ARHGAP15: variants seen among roughly 807,000 people sequenced by gnomAD.
ARHGAP15 encodes the protein rho GTPase-activating protein 15.
A neutral mutation model predicts 63.7 loss-of-function variants in ARHGAP15; 51 were observed. The observed-to-expected ratio is 0.80, with a 90% CI of 0.64 to 1.01. ARHGAP15 has a LOEUF of 1.01. Ranked by LOEUF, ARHGAP15 falls within the 50% of genes least tolerant of loss-of-function variation. The probability of loss-of-function intolerance (pLI) is 0.00; values close to 1 mark genes in which losing one functional copy is unlikely to be tolerated. For synonymous variants in ARHGAP15, 191 were observed against 193.8 expected (o/e 0.99, Z 0.12); for missense variants, 560 against 564.6 (o/e 0.99, Z 0.08).
chr2:143,189,208 TGTAA>T (rs1691575528), intron 2 of ARHGAP15, among the ~76,000 whole-genome samples: 1 of 152,206 alleles, frequency 6.6e-6, no homozygotes, highest in Non-Finnish European at 1.5e-5. Flanking sequence ...AACTTTTTGT[TGTAA>T]GTGATTGTTC....
At chr2:143,326,252 C>T (rs531863441) in intron 6 of ARHGAP15, among the ~76,000 whole-genome samples, 1 of 152,110 alleles carries the variant, frequency 6.6e-6, no homozygotes, top group Non-Finnish European at 1.5e-5. Flanking sequence ...GTTATATATT[C>T]TTTCCAGTAA....
chr2:143,648,792 C>T (rs1681020963), intron 12 of ARHGAP15: 1 of 151,982 alleles, frequency 6.6e-6, no homozygotes, highest in South Asian at 2.1e-4. Context: ...CATATAATCA[C>T]AGTTTTTCCA....
chr2:143,544,129 A>C (rs907183663), intron 10 of ARHGAP15, among the ~76,000 whole-genome samples: 1 of 152,192 alleles, frequency 6.6e-6, no homozygotes, highest in Non-Finnish European at 1.5e-5. Context: ...TTTCAGCTCT[A>C]TTCCAGATAC....
In ARHGAP15 at chr2:143,408,031, A is replaced by C. The variant is rs1431786146; in HGVS notation, c.475-27570A>C. Among the ~76,000 whole-genome samples the C allele has an allele frequency of 1.7e-4, 20 of 120,082 alleles. 2 individuals are homozygous for C. The highest frequency in any genetic ancestry group is 4.5e-4 in the African/African-American group (14 of 31,212). 78.8% of individuals were successfully genotyped at this position (120,082 alleles called of 152,430 possible). A position where few individuals can be genotyped will look rare whatever the true frequency, so the allele number is the denominator to read the frequency against. On this transcript the variant is annotated intron_variant, in intron 6 of 13. Coordinates refer to ENST00000295095, the MANE Select transcript of ARHGAP15 (RefSeq NM_018460.4). Reference sequence around the variant, plus strand: ...TATATATATATATATATATATATATATCCTTTTTCCTCTCACTCTTTTCTG... The same window carrying C: ...TATATATATATATATATATATATATCTCCTTTTTCCTCTCACTCTTTTCTG...
At chr2:143,642,205 CTTTT>C in intron 12 of ARHGAP15, among the ~76,000 whole-genome samples, 1 of 151,928 alleles carries the variant, frequency 6.6e-6, no homozygotes, top group Middle Eastern at 3.4e-3. Flanking sequence ...GTTTTTTTCT[CTTTT>C]TTGTTTTCCT....
chr2:143,755,938 C>G (rs977723061), intron 13 of ARHGAP15, among the ~76,000 whole-genome samples: 2 of 152,024 alleles, frequency 1.3e-5, no homozygotes, highest in African/African-American at 4.8e-5. Flanking sequence ...TGCACTCCAG[C>G]CTGGGTAACA....
At chr2:143,726,269 C>T (rs1313903172) in intron 13 of ARHGAP15, among the ~76,000 whole-genome samples, 2 of 152,176 alleles carry the variant, frequency 1.3e-5, no homozygotes, top group Admixed American at 6.5e-5. Context: ...GAACAAAAAG[C>T]TGGCAATCAA....
At chr2:143,411,157 A>G (rs1336086322) in intron 6 of ARHGAP15, among the ~76,000 whole-genome samples, 1 of 152,198 alleles carries the variant, frequency 6.6e-6, no homozygotes, top group Admixed American at 6.5e-5. Flanking sequence ...GTGGGCCAAG[A>G]TCATGCCACT....
chr2:143,462,185 A>G (rs1690975619), intron 8 of ARHGAP15, among the ~76,000 whole-genome samples: 1 of 152,118 alleles, frequency 6.6e-6, no homozygotes, highest in African/African-American at 2.4e-5. Flanking sequence ...ACTTATTACC[A>G]GGTGCACATG....
intron 10 of ARHGAP15, among the ~76,000 whole-genome samples, chr2:143,545,749 AT>A (rs946064418): frequency 2.6e-5 from 4 of 151,520 alleles, no homozygotes; most frequent in Non-Finnish European, 4.4e-5. Context: ...CACAATTGGG[AT>A]TTTTTTTTCC....
chr2:143,534,849 C>A (rs917669792), intron 10 of ARHGAP15, among the ~76,000 whole-genome samples: 1 of 151,662 alleles, frequency 6.6e-6, no homozygotes, highest in Admixed American at 6.6e-5. Flanking sequence ...CCACTGCACT[C>A]TAGCCTGAGT....
Position 143,360,779 on chromosome 2 carries a change from C to G in ARHGAP15, c.475-74822C>G, listed in dbSNP as rs183679076. 7.2e-5 allele frequency among the ~76,000 whole-genome samples: 11 copies of G among 152,270 alleles called. No homozygotes were observed. The East Asian group carries it at 1.9e-3, about 27-fold the overall frequency. ...TTAAGTACTAATAAATAGCACAATACAGGTGATATCTCCAAGCAACACATG... is the reference window on the plus strand; with the variant it reads ...TTAAGTACTAATAAATAGCACAATAGAGGTGATATCTCCAAGCAACACATG... On this transcript the variant is annotated intron_variant, in intron 6 of 13. Transcript: ENST00000295095.
chr2:143,632,678 A>G (rs986520819), intron 12 of ARHGAP15, among the ~76,000 whole-genome samples: 1 of 152,172 alleles, frequency 6.6e-6, no homozygotes, highest in East Asian at 1.9e-4. Context: ...TAAAAATAAT[A>G]CATTGCCCTA....
Position 143,718,398 on chromosome 2 carries a change from A to C in ARHGAP15, c.1244+14874A>C, listed in dbSNP as rs189433007. On this transcript the variant is annotated intron_variant, in intron 13 of 13. Transcript: ENST00000295095. ...TCTTTTTTGGAAGTAGCTACAAAAC[A>C]GTAGAGCTCAAATTTAAGGTTAGCA... 2.0e-5 allele frequency among the ~76,000 whole-genome samples: 3 copies of C among 152,336 alleles called. No homozygotes were observed. The East Asian group carries it at 5.8e-4, about 29-fold the overall frequency.
rs545356013 is a variant in ARHGAP15 at position 143,263,942 on chromosome 2, T to G, written c.474+13342T>G. 9.9e-3 allele frequency among the ~76,000 whole-genome samples: 1,259 copies of G among 126,788 alleles called. 2 individuals are homozygous for G. Among genetic ancestry groups the G allele is most frequent in the Non-Finnish European group, 0.017 (1,052 of 60,616 alleles). The allele number at this position is 126,788 out of a possible 152,430, so 83.2% of individuals were successfully genotyped here. A position where few individuals can be genotyped will look rare whatever the true frequency, so the allele number is the denominator to read the frequency against. On this transcript the variant is annotated intron_variant, in intron 6 of 13. Coordinates refer to ENST00000295095, the MANE Select transcript of ARHGAP15 (RefSeq NM_018460.4). The stretch of plus-strand genomic sequence containing the variant: ...TTTTTTTTTTTTTTTTTTTTTTTTT[T>G]TGTGCTCACCAACATACTGAGCTAA...
intron 6 of ARHGAP15, among the ~76,000 whole-genome samples, chr2:143,280,907 C>T (rs941501846): frequency 6.6e-6 from 1 of 151,908 alleles, no homozygotes; most frequent in African/African-American, 2.4e-5. Context: ...AAAGAGATGA[C>T]AAATGCAAAA....
intron 1 of ARHGAP15, among the ~76,000 whole-genome samples, chr2:143,146,446 C>G (rs1489999267): frequency 6.6e-6 from 1 of 151,872 alleles, no homozygotes; most frequent in Non-Finnish European, 1.5e-5. Flanking sequence ...ACTTAGAAGA[C>G]AGAAGAATGA....
intron 3 of ARHGAP15, among the ~76,000 whole-genome samples, chr2:143,214,568 A>G (rs1293455690): frequency 6.6e-6 from 1 of 152,228 alleles, no homozygotes; most frequent in African/African-American, 2.4e-5. Context: ...GCACCAGTGA[A>G]TACCATGGTT....
chr2:143,489,723 A>C (rs978387736), intron 9 of ARHGAP15, among the ~76,000 whole-genome samples: 8 of 152,220 alleles, frequency 5.3e-5, no homozygotes, highest in African/African-American at 1.9e-4. Flanking sequence ...TAATGGTTAA[A>C]TGGTTAGTTT....
Sources: gnomAD v4.1 joint callset for allele counts (sites outside exome capture counted in the v4.1 genomes callset) on GRCh38, gnomAD v4.1.1 for gene constraint, MANE v1.5 for transcripts, NCBI Gene and HGNC (gene_info 2026-07-23, HGNC 2026-07-21) for gene names.